The following NAV1 variants were observed in gnomAD, a reference collection of about 807,000 sequenced individuals.
NAV1 encodes the protein neuron navigator 1.
A neutral mutation model predicts 175.2 loss-of-function variants in NAV1; 18 were observed. That is an observed-to-expected ratio of 0.10 (90% confidence interval 0.07 to 0.15). NAV1 has a LOEUF of 0.15. NAV1 is among the 10% of genes least tolerant of loss of function. The pLI, the probability that NAV1 is intolerant of heterozygous loss-of-function variation, is 1.00. For synonymous variants in NAV1, 897 were observed against 978.7 expected, an observed-to-expected ratio of 0.92 and a Z score of 1.56; for missense variants, 1,731 against 2,436.6, an observed-to-expected ratio of 0.71 and a Z score of 6.10.
intron 1 of NAV1, among the ~76,000 whole-genome samples, chr1:201,691,429 G>A (rs1018818495): frequency 2.6e-5 from 4 of 152,220 alleles, no homozygotes; most frequent in African/African-American, 9.6e-5. Flanking sequence ...GTTTTGGTCA[G>A]CTTTTTATCC....
intron 2 of NAV1, among the ~76,000 whole-genome samples, chr1:201,593,526 C>G (rs1383699720): frequency 1.3e-5 from 2 of 152,232 alleles, no homozygotes; most frequent in African/African-American, 4.8e-5. Context: ...ATTGCAGAAT[C>G]TAATCCAGAA....
upstream of NAV1, among the ~76,000 whole-genome samples, chr1:201,646,696 G>A (rs979722482): frequency 2.2e-4 from 34 of 152,140 alleles, no homozygotes; most frequent in African/African-American, 8.2e-4. Context: ...AAGGCAGAGA[G>A]TCCTGAGATA....
intron 15 of NAV1, chr1:201,798,345 TC>T (rs1235972495): frequency 6.6e-6 from 1 of 152,126 alleles, no homozygotes; most frequent in Non-Finnish European, 1.5e-5. Context: ...TCAGTTAAGA[TC>T]AGAAATTACT....
intron 1 of NAV1, among the ~76,000 whole-genome samples, chr1:201,579,602 C>T (rs537675318): frequency 6.6e-6 from 1 of 152,176 alleles, no homozygotes; most frequent in Non-Finnish European, 1.5e-5. Flanking sequence ...GTGATCCACC[C>T]ACCTCGGCCT....
intron 1 of NAV1, among the ~76,000 whole-genome samples, chr1:201,709,673 G>A (rs770895308): frequency 5.3e-5 from 8 of 152,282 alleles, no homozygotes; most frequent in Middle Eastern, 3.4e-3. Context: ...CCACTGCTGG[G>A]GCACAGAGGG....
chr1:201,631,863 C>G (rs946541851), intron 2 of NAV1, among the ~76,000 whole-genome samples: 16 of 151,978 alleles, frequency 1.1e-4, no homozygotes, highest in Non-Finnish European at 2.9e-5. Flanking sequence ...GCTCATGTAT[C>G]TTCCCTTCCT....
intron 1 of NAV1, among the ~76,000 whole-genome samples, chr1:201,558,900 C>T (rs1318420120): frequency 1.3e-5 from 2 of 152,104 alleles, no homozygotes; most frequent in East Asian, 3.8e-4. Context: ...AGAGAATAGT[C>T]TCATCCTGTG....
intron 1 of NAV1, among the ~76,000 whole-genome samples, chr1:201,563,181 C>T (rs776596289): frequency 3.3e-5 from 5 of 152,084 alleles, no homozygotes; most frequent in East Asian, 1.9e-4. Context: ...GCTGGTGGTG[C>T]GACTCAGGGC....
intron 1 of NAV1, among the ~76,000 whole-genome samples, chr1:201,586,462 C>T (rs868857773): frequency 1.3e-5 from 2 of 152,152 alleles, no homozygotes; most frequent in Non-Finnish European, 2.9e-5. Context: ...AACAAAGTGC[C>T]ACAGACTAGG....
chr1:201,717,447 G>C (rs1194541070), intron 2 of NAV1, among the ~76,000 whole-genome samples: 2 of 152,214 alleles, frequency 1.3e-5, no homozygotes, highest in African/African-American at 4.8e-5. Context: ...CTGAACCCAA[G>C]TCCAAGCCAC....
chr1:201,598,466 T>G (rs755131543), intron 2 of NAV1, among the ~76,000 whole-genome samples: 2 of 151,932 alleles, frequency 1.3e-5, no homozygotes, highest in Non-Finnish European at 2.9e-5. Context: ...GGAAATGGTG[T>G]GAGTGGGCCA....
chr1:201,661,858 G>C (rs1156783006), intron 1 of NAV1, among the ~76,000 whole-genome samples: 1 of 152,304 alleles, frequency 6.6e-6, no homozygotes, highest in East Asian at 1.9e-4. Context: ...AAGATTTAAG[G>C]ACTCGTCATA....
intron 1 of NAV1, among the ~76,000 whole-genome samples, chr1:201,651,125 G>A (rs1039867603): frequency 4.6e-5 from 6 of 130,094 alleles, no homozygotes; most frequent in African/African-American, 2.4e-4. Context: ...AAGGGACCGT[G>A]TGTGTGTGTG....
intron 3 of NAV1, among the ~76,000 whole-genome samples, chr1:201,777,111 GT>G (rs1371491144): frequency 6.6e-6 from 1 of 152,192 alleles, no homozygotes; most frequent in Non-Finnish European, 1.5e-5. Flanking sequence ...TTTATGACAT[GT>G]AAGGTCTTAC....
intron 1 of NAV1, among the ~76,000 whole-genome samples, chr1:201,672,340 A>T (rs754884893): frequency 1.3e-5 from 2 of 152,168 alleles, no homozygotes; most frequent in Non-Finnish European, 2.9e-5. Context: ...CATTGATTTC[A>T]TGATCCACAA....
At chr1:201,785,316 G>C (rs16849342) in exon 8 of NAV1, 82,462 of 1,604,854 alleles carry the variant, frequency 0.051, 2,356 homozygotes, top group Non-Finnish European at 0.057. Flanking sequence ...ACAGTAATCA[G>C]CGGGATCGGA....
At chr1:201,573,136 A>G (rs61819722) in intron 1 of NAV1, among the ~76,000 whole-genome samples, 15,769 of 152,350 alleles carry the variant, frequency 0.1, 992 homozygotes, top group Admixed American at 0.14. Flanking sequence ...TGAATTATGC[A>G]TAGGCACATG....
Position 201,783,926 on chromosome 1 carries a change from C to T in NAV1, c.2804+74C>T, listed in dbSNP as rs1444673331. ...TCATTTTGCCATTGGCAATACTATC[C>T]TATATTTTATTGCCATTTTGTGACT... On this transcript the variant is annotated intron_variant, in intron 7 of 29. Transcript: ENST00000367296. The T allele has an allele frequency of 5.8e-6, 8 of 1,377,012 alleles. No individual in the cohort carries two copies. In the Admixed American group the frequency reaches 1.8e-4, roughly 31 times the overall value. The allele number at this position is 1,377,012 out of a possible 1,614,324, so 85.3% of individuals were successfully genotyped here.
rs142176179 is a variant in NAV1 at position 201,702,429 on chromosome 1, C to T, written c.758-10388C>T. 2.1e-3 allele frequency among the ~76,000 whole-genome samples: 324 copies of T among 152,076 alleles called. 1 individual carries two copies. Among genetic ancestry groups the T allele is most frequent in the African/African-American group, 7.3e-3 (302 of 41,460 alleles). On this transcript the variant is annotated intron_variant, in intron 1 of 29. Coordinates refer to ENST00000367296, the Ensembl canonical transcript of NAV1. ...TTGCCCAGGCTGGAGTGCAATGGTG[C>T]GATCTCAGCTCACTGCAACCCCTGC...
Sources: gnomAD v4.1 joint callset for allele counts (sites outside exome capture counted in the v4.1 genomes callset) on GRCh38, gnomAD v4.1.1 for gene constraint, MANE v1.5 for transcripts, NCBI Gene and HGNC (gene_info 2026-07-23, HGNC 2026-07-21) for gene names.